The following FHIT variants were observed in gnomAD, a reference collection of about 807,000 sequenced individuals.
The protein encoded by FHIT is bis(5'-adenosyl)-triphosphatase.
Under a neutral mutation model 17.9 loss-of-function variants are expected in FHIT, and 19 were observed. The ratio of observed to expected loss-of-function variants is 1.06; its 90% CI spans 0.74 to 1.56. The LOEUF is 1.56. Among genes scored for constraint, FHIT ranks in the 40% most tolerant of loss-of-function variants. The probability of loss-of-function intolerance (pLI) is 0.00; values close to 1 mark genes in which losing one functional copy is unlikely to be tolerated. For synonymous variants in FHIT, 81 were observed against 69.7 expected (o/e 1.16, Z -0.81); for missense variants, 248 against 189.2 (o/e 1.31, Z -1.82).
intron 5 of FHIT, among the ~76,000 whole-genome samples, chr3:60,126,575 A>C (rs1705561485): frequency 6.6e-6 from 1 of 152,172 alleles, no homozygotes; most frequent in Non-Finnish European, 1.5e-5. Context: ...TCTGTTTTTC[A>C]AATCAAAAAA....
intron 5 of FHIT, among the ~76,000 whole-genome samples, chr3:60,325,923 G>C (rs1054433082): frequency 6.6e-6 from 1 of 152,176 alleles, no homozygotes; most frequent in Non-Finnish European, 1.5e-5. Flanking sequence ...AATCATGACC[G>C]ACGTGATGGC....
chr3:61,023,710 C>G (rs1018228685), intron 3 of FHIT, among the ~76,000 whole-genome samples: 5 of 152,176 alleles, frequency 3.3e-5, no homozygotes, highest in Admixed American at 3.3e-4. Context: ...CTACAACCAT[C>G]TGATCTTTGA....
At chr3:60,976,415 T>C (rs1157133786) in intron 3 of FHIT, among the ~76,000 whole-genome samples, 1 of 151,984 alleles carries the variant, frequency 6.6e-6, no homozygotes, top group Non-Finnish European at 1.5e-5. Flanking sequence ...CCTCAGAACA[T>C]ACTTTGAAAC....
intron 4 of FHIT, among the ~76,000 whole-genome samples, chr3:60,610,292 A>C (rs1384907131): frequency 6.6e-6 from 1 of 152,144 alleles, no homozygotes; most frequent in Admixed American, 6.5e-5. Flanking sequence ...ATTGATTTAA[A>C]TATTTATACA....
At chr3:60,048,011 T>C (rs1701720544) in intron 5 of FHIT, among the ~76,000 whole-genome samples, 1 of 152,100 alleles carries the variant, frequency 6.6e-6, no homozygotes. Context: ...CATGGGCAGG[T>C]TTGGTTTCTC....
intron 7 of FHIT, among the ~76,000 whole-genome samples, chr3:59,995,063 C>G (rs1039016431): frequency 3.9e-5 from 6 of 152,010 alleles, no homozygotes; most frequent in African/African-American, 1.4e-4. Flanking sequence ...AGGGAAACTT[C>G]CCACCCAATG....
chr3:61,134,608 G>T (rs1383258560), intron 2 of FHIT, among the ~76,000 whole-genome samples: 1 of 152,168 alleles, frequency 6.6e-6, no homozygotes, highest in Non-Finnish European at 1.5e-5. Context: ...GAAAATTTTA[G>T]GGTTGTCATG....
chr3:59,783,461 T>A (rs886354468), intron 8 of FHIT, among the ~76,000 whole-genome samples: 2 of 152,040 alleles, frequency 1.3e-5, no homozygotes, highest in African/African-American at 4.8e-5. Context: ...GAGCGAGACT[T>A]GATCTCACAA....
chr3:60,953,103 C>G (rs1255715112), intron 3 of FHIT, among the ~76,000 whole-genome samples: 1 of 152,152 alleles, frequency 6.6e-6, no homozygotes, highest in Non-Finnish European at 1.5e-5. Context: ...CTCAATATGC[C>G]TTAAGAATAA....
intron 5 of FHIT, among the ~76,000 whole-genome samples, chr3:60,423,347 T>A (rs1450901475): frequency 6.6e-6 from 1 of 152,168 alleles, no homozygotes; most frequent in Non-Finnish European, 1.5e-5. Context: ...CTTTCTACAA[T>A]GGGTTTTCTG....
chr3:60,411,037 G>A (rs755752814), intron 5 of FHIT, among the ~76,000 whole-genome samples: 1 of 152,142 alleles, frequency 6.6e-6, no homozygotes, highest in Non-Finnish European at 1.5e-5. Context: ...AATTTGACAG[G>A]AGATGGAGAA....
chr3:60,001,261 A>G (rs1420330589), intron 7 of FHIT, among the ~76,000 whole-genome samples: 1 of 152,176 alleles, frequency 6.6e-6, no homozygotes, highest in Non-Finnish European at 1.5e-5. Context: ...CATAGTAGGC[A>G]CTCAATAAAC....
chr3:59,750,903 C>T (rs1487567608), intron 9 of FHIT: 1 of 197,470 alleles, frequency 5.1e-6, no homozygotes, highest in Non-Finnish European at 1.0e-5. Flanking sequence ...CAATTGCTAA[C>T]AGCATTTATT....
At chr3:61,003,155 A>T (rs916230584) in intron 3 of FHIT, among the ~76,000 whole-genome samples, 1 of 152,190 alleles carries the variant, frequency 6.6e-6, no homozygotes, top group African/African-American at 2.4e-5. Flanking sequence ...ATTGTCTATA[A>T]ATTCTCCCAA....
chr3:61,161,122 T>C (rs1407826430), intron 2 of FHIT, among the ~76,000 whole-genome samples: 5 of 147,240 alleles, frequency 3.4e-5, no homozygotes, highest in Non-Finnish European at 5.9e-5. Context: ...TCCTTTTAAC[T>C]GAATCATCCA....
At chr3:60,887,447 C>T (rs923585204) in intron 3 of FHIT, among the ~76,000 whole-genome samples, 10 of 152,052 alleles carry the variant, frequency 6.6e-5, no homozygotes, top group African/African-American at 1.9e-4. Flanking sequence ...GAGTTCGAGA[C>T]CAGCCTGGCC....
Position 61,112,409 on chromosome 3 carries a change from G to A in FHIT, c.-163-70310C>T, listed in dbSNP as rs187321735. On this transcript the variant is annotated intron_variant, in intron 2 of 9. Coordinates refer to ENST00000492590, the MANE Select transcript of FHIT (RefSeq NM_002012.4). ...TTGGCCCTTCTGGTGTGTCCCAGCTGTATTGTCATAACCTATAGGGAAGTT... is the reference window on the plus strand; with the variant it reads ...TTGGCCCTTCTGGTGTGTCCCAGCTATATTGTCATAACCTATAGGGAAGTT... Among the ~76,000 whole-genome samples, 44 of 152,128 alleles carry A rather than the reference G, an allele frequency of 2.9e-4. No homozygotes were observed. The South Asian group carries it at 8.7e-3, about 30-fold the overall frequency.
At chr3:60,790,334 A>G (rs1308636907) in intron 4 of FHIT, among the ~76,000 whole-genome samples, 1 of 152,206 alleles carries the variant, frequency 6.6e-6, no homozygotes, top group Non-Finnish European at 1.5e-5. Context: ...ACCTTTGCCT[A>G]TATATTAATA....
At chr3:60,048,751 C>T (rs1701755710) in intron 5 of FHIT, among the ~76,000 whole-genome samples, 1 of 152,180 alleles carries the variant, frequency 6.6e-6, no homozygotes, top group African/African-American at 2.4e-5. Context: ...GAGTGAAAGG[C>T]TTTCAGGTAA....
Sources: gnomAD v4.1 joint callset for allele counts (sites outside exome capture counted in the v4.1 genomes callset) on GRCh38, gnomAD v4.1.1 for gene constraint, MANE v1.5 for transcripts, NCBI Gene and HGNC (gene_info 2026-07-23, HGNC 2026-07-21) for gene names.